NEK1: variants seen among roughly 807,000 people sequenced by gnomAD.
NEK1 encodes the protein serine/threonine-protein kinase Nek1.
In NEK1, 137 loss-of-function variants were observed where a neutral mutation model predicts 182.1. The observed-to-expected ratio is 0.75, with a 90% CI of 0.65 to 0.87. The LOEUF (loss-of-function observed/expected upper bound fraction) is 0.87. Ranked by LOEUF, NEK1 falls within the 40% of genes least tolerant of loss-of-function variation. The pLI is 0.00. For synonymous variants in NEK1, 513 were observed against 492.2 expected, an observed-to-expected ratio of 1.04 and a Z score of -0.56; for missense variants, 1,391 against 1,494.4, an observed-to-expected ratio of 0.93 and a Z score of 1.14.
intron 19 of NEK1, among the ~76,000 whole-genome samples, chr4:169,525,542 T>C (rs556876794): frequency 1.3e-5 from 2 of 152,176 alleles, no homozygotes; most frequent in African/African-American, 2.4e-5. Context: ...GGATAATCTA[T>C]AGCAAAGATC....
intron 18 of NEK1, among the ~76,000 whole-genome samples, chr4:169,548,082 C>G (rs373550227): frequency 6.6e-6 from 1 of 152,168 alleles, no homozygotes; most frequent in Non-Finnish European, 1.5e-5. Context: ...AGCCTTTTTG[C>G]GCTGGTTTCT....
In NEK1 at chr4:169,479,482, T is replaced by C. The variant is rs944312566; in HGVS notation, c.2060A>G (p.His687Arg). Residue 687 changes from histidine to arginine, a missense_variant, in exon 24 of 36, where the codon CAT (histidine) becomes CGT (arginine). By Grantham distance (29) the His-to-Arg change is conservative. Coordinates refer to ENST00000507142, the MANE Select transcript of NEK1 (RefSeq NM_001199397.3). ...SSDVSPPLGQ[H>R]ETGGSPSKQQ... ...CTTTGATGGAGAGCCACCTGTTTCA[T>C]GCTGTCCCAAAGGTGGAGAAACATC... 3.1e-6 allele frequency: 5 copies of C among 1,611,932 alleles called. No homozygotes were observed. The highest frequency in any genetic ancestry group is 4.2e-6 in the Non-Finnish European group (5 of 1,179,004).
At chr4:169,478,774 G>A (rs543724427) in intron 24 of NEK1, among the ~76,000 whole-genome samples, 33 of 152,196 alleles carry the variant, frequency 2.2e-4, no homozygotes, top group South Asian at 4.1e-4. Flanking sequence ...ATTCTAGGCC[G>A]CAGCTCCACA....
At chr4:169,581,355 C>T (rs761710915) in intron 10 of NEK1, among the ~76,000 whole-genome samples, 1 of 152,128 alleles carries the variant, frequency 6.6e-6, no homozygotes, top group South Asian at 2.1e-4. Flanking sequence ...GCAGCCTTGA[C>T]CTCCTAGGCT....
At chr4:169,577,635 T>TC (rs1240324311) in intron 11 of NEK1, among the ~76,000 whole-genome samples, 2 of 151,862 alleles carry the variant, frequency 1.3e-5, no homozygotes, top group Non-Finnish European at 2.9e-5. Flanking sequence ...GCGCCTGTAG[T>TC]CCCAGCTACT....
Position 169,451,383 on chromosome 4 carries a change from G to A in NEK1, c.2587+11860C>T, listed in dbSNP as rs1419168140. Among the ~76,000 whole-genome samples, 5 of 152,118 alleles carry A rather than the reference G, an allele frequency of 3.3e-5. 1 individual carries two copies. The South Asian group carries it at 8.3e-4, about 25-fold the overall frequency. On this transcript the variant is annotated intron_variant, in intron 27 of 35. Coordinates refer to ENST00000507142, the MANE Select transcript of NEK1 (RefSeq NM_001199397.3). ...TATTCTAAAATTGACCACATAATTG[G>A]AAGTAAAGCACTCCTCAGCAAATGT...
At chr4:169,474,504 C>A (rs1746599965) in intron 26 of NEK1, among the ~76,000 whole-genome samples, 1 of 152,146 alleles carries the variant, frequency 6.6e-6, no homozygotes, top group Admixed American at 6.6e-5. Flanking sequence ...ATTTCCTCTC[C>A]TATTCACTTC....
intron 5 of NEK1, 32 bp from the exon 6 acceptor site, chr4:169,590,841 T>C (rs1356995278): frequency 7.3e-7 from 1 of 1,374,562 alleles, no homozygotes; most frequent in Non-Finnish European, 1.0e-6. Flanking sequence ...GTCAAGCCTC[T>C]CTTTGACCAT....
At chr4:169,398,743 CA>C (rs1329002796) in intron 35 of NEK1, among the ~76,000 whole-genome samples, 3 of 152,028 alleles carry the variant, frequency 2.0e-5, no homozygotes, top group African/African-American at 7.2e-5. Flanking sequence ...TATTTCAATG[CA>C]ATCTTAGACT....
At chr4:169,489,941 T>C (rs1413357953) in intron 23 of NEK1, among the ~76,000 whole-genome samples, 1 of 152,108 alleles carries the variant, frequency 6.6e-6, no homozygotes, top group East Asian at 1.9e-4. Flanking sequence ...ACAAGTATCA[T>C]AGTAATTCAG....
intron 19 of NEK1, among the ~76,000 whole-genome samples, chr4:169,514,271 A>G (rs932065325): frequency 1.3e-5 from 2 of 152,176 alleles, no homozygotes; most frequent in Non-Finnish European, 2.9e-5. Context: ...TACAGGCGTG[A>G]GCCACCGCAC....
At chr4:169,508,391 C>A in intron 20 of NEK1, 60 bp from the exon 21 acceptor site, 1 of 1,350,704 alleles carries the variant, frequency 7.4e-7, no homozygotes, top group Admixed American at 3.0e-5. Flanking sequence ...GACATTTTTA[C>A]TGCTAGATTT....
intron 23 of NEK1, among the ~76,000 whole-genome samples, chr4:169,482,673 G>A (rs919392827): frequency 4.0e-5 from 6 of 149,520 alleles, no homozygotes; most frequent in African/African-American, 1.5e-4. Context: ...TTGTACTGTC[G>A]CCCAGGCTGG....
chr4:169,458,431 T>C (rs1431820490), intron 27 of NEK1, among the ~76,000 whole-genome samples: 1 of 152,002 alleles, frequency 6.6e-6, no homozygotes, highest in East Asian at 1.9e-4. Context: ...TAACTAAATA[T>C]AAAATGCAAA....
chr4:169,581,962 T>C (rs957063398), intron 10 of NEK1, among the ~76,000 whole-genome samples: 1 of 152,122 alleles, frequency 6.6e-6, no homozygotes, highest in Non-Finnish European at 1.5e-5. Context: ...AAACGCTCCA[T>C]TATATATTCT....
intron 18 of NEK1, among the ~76,000 whole-genome samples, chr4:169,551,063 A>G (rs1761356489): frequency 6.6e-6 from 1 of 152,244 alleles, no homozygotes; most frequent in Non-Finnish European, 1.5e-5. Flanking sequence ...CAAGTGCCCA[A>G]TTAAATATTA....
At position 169,426,072 on chromosome 4, in the gene NEK1, CAA is replaced by C. The variant is rs916367055; in HGVS notation, c.2974+72_2974+73del. On this transcript the variant is annotated intron_variant, in intron 30 of 35. Coordinates refer to ENST00000507142, the MANE Select transcript of NEK1 (RefSeq NM_001199397.3). ...AATGCTTTCTTATTTATATATTACCCAAATAAAACAGGTTGATGTTAATAATC... is the reference window on the plus strand; with the variant it reads ...AATGCTTTCTTATTTATATATTACCCATAAAACAGGTTGATGTTAATAATC... 11 of 1,081,548 alleles carry C rather than the reference CAA, an allele frequency of 1.0e-5. No homozygotes were observed. In the African/African-American group the frequency reaches 1.7e-4, roughly 17 times the overall value. The allele number at this position is 1,081,548 out of a possible 1,614,324, so 67.0% of individuals were successfully genotyped here. A position where few individuals can be genotyped will look rare whatever the true frequency, so the allele number is the denominator to read the frequency against.
chr4:169,527,215 C>G (rs1757016296), intron 19 of NEK1, among the ~76,000 whole-genome samples: 2 of 152,098 alleles, frequency 1.3e-5, no homozygotes, highest in Admixed American at 1.3e-4. Context: ...ATATTACATC[C>G]TGTGAAAACA....
At chr4:169,610,016 CTTTTT>C (rs538596187) in intron 2 of NEK1, among the ~76,000 whole-genome samples, 2 of 135,320 alleles carry the variant, frequency 1.5e-5, no homozygotes, top group African/African-American at 5.5e-5. Flanking sequence ...CTAAGAATTT[CTTTTT>C]TTTTTTTTTT....
Sources: allele counts gnomAD v4.1 joint callset (sites outside exome capture counted in the v4.1 genomes callset), GRCh38; gene constraint gnomAD v4.1.1; transcripts MANE v1.5; gene names NCBI Gene and HGNC (gene_info 2026-07-23, HGNC 2026-07-21).